The following NECTIN3 variants were observed in gnomAD, a reference collection of about 807,000 sequenced individuals.
The protein encoded by NECTIN3 is nectin cell adhesion molecule 3.
A neutral mutation model predicts 49.4 loss-of-function variants in NECTIN3; 8 were observed. The ratio of observed to expected loss-of-function variants is 0.16; its 90% CI spans 0.10 to 0.29. The LOEUF is 0.29. Ranked by LOEUF, NECTIN3 falls within the 10% of genes least tolerant of loss-of-function variation. The pLI, the probability that NECTIN3 is intolerant of heterozygous loss-of-function variation, is 1.00. For synonymous variants in NECTIN3, 277 were observed against 241.1 expected (o/e 1.15, Z -1.38); for missense variants, 581 against 654.6 (o/e 0.89, Z 1.23).
At chr3:111,107,702 G>A (rs1434089048) in intron 1 of NECTIN3, among the ~76,000 whole-genome samples, 1 of 152,166 alleles carries the variant, frequency 6.6e-6, no homozygotes, top group Non-Finnish European at 1.5e-5. Context: ...GTAGAGGGAG[G>A]AAGTAGTAGT....
At chr3:111,165,780 A>C (rs2035307579) in intron 7 of NECTIN3, among the ~76,000 whole-genome samples, 1 of 152,202 alleles carries the variant, frequency 6.6e-6, no homozygotes, top group Non-Finnish European at 1.5e-5. Context: ...TAGAATAATG[A>C]ATTAGTAATT....
intron 1 of NECTIN3, among the ~76,000 whole-genome samples, chr3:111,096,038 A>G (rs1308483435): frequency 6.6e-6 from 1 of 152,212 alleles, no homozygotes; most frequent in East Asian, 1.9e-4. Context: ...AACAGTTTGG[A>G]GGGCTCAGAA....
chr3:111,118,251 T>TATATATATATA (rs2033778993), intron 2 of NECTIN3, among the ~76,000 whole-genome samples: 1 of 97,954 alleles, frequency 1.0e-5, no homozygotes, highest in Non-Finnish European at 2.0e-5. Flanking sequence ...AATGAAGCTA[T>TATATATATATA]ATATATATAT....
chr3:111,146,722 T>G (rs2034884737), intron 6 of NECTIN3, among the ~76,000 whole-genome samples: 1 of 152,130 alleles, frequency 6.6e-6, no homozygotes, highest in Non-Finnish European at 1.5e-5. Context: ...ATGTTATCTG[T>G]GATCTTCAAA....
intron 7 of NECTIN3, among the ~76,000 whole-genome samples, chr3:111,167,071 C>G (rs574659681): frequency 1.3e-4 from 19 of 151,730 alleles, no homozygotes; most frequent in African/African-American, 4.4e-4. Context: ...AATTTTTGCA[C>G]ACGTAGGTGA....
intron 2 of NECTIN3, among the ~76,000 whole-genome samples, chr3:111,117,471 G>T: frequency 6.6e-6 from 1 of 152,102 alleles, no homozygotes; most frequent in Non-Finnish European, 1.5e-5. Flanking sequence ...GTGGTTATAT[G>T]GATGTTTGCT....
In NECTIN3 at chr3:111,101,168, A is replaced by T. The variant is rs1212752250; in HGVS notation, c.161-10862A>T. 3.3e-5 allele frequency among the ~76,000 whole-genome samples: 5 copies of T among 152,134 alleles called. No individual in the cohort carries two copies. The South Asian group carries it at 8.3e-4, about 25-fold the overall frequency. On this transcript the variant is annotated intron_variant, in intron 1 of 5. Transcript: ENST00000485303. ...AGTTTTGTGCTTCTCTTCTGAAAAT[A>T]TGAAGAAATTGTGCTTTCACCCACA...
intron 1 of NECTIN3, chr3:111,193,191 A>C: frequency 6.5e-7 from 1 of 1,533,786 alleles, no homozygotes. Context: ...GCAATGTTTG[A>C]ATTTTTAGAA....
intron 1 of NECTIN3, among the ~76,000 whole-genome samples, chr3:111,193,764 A>C (rs761981287): frequency 1.2e-4 from 18 of 152,196 alleles, no homozygotes; most frequent in Non-Finnish European, 2.1e-4. Flanking sequence ...TAGCCTGTTC[A>C]TCTGTAATTC....
intron 7 of NECTIN3, among the ~76,000 whole-genome samples, chr3:111,173,878 C>T (rs1314083228): frequency 6.6e-6 from 1 of 151,846 alleles, no homozygotes; most frequent in Non-Finnish European, 1.5e-5. Flanking sequence ...GGTTTTGTTT[C>T]CCCTTCTTCA....
intron 5 of NECTIN3, chr3:111,144,791 T>A: frequency 3.9e-6 from 5 of 1,280,838 alleles, no homozygotes; most frequent in Non-Finnish European, 5.2e-6. Context: ...AACCTGGCTC[T>A]TGGATAACAT....
chr3:111,179,689 T>TC (rs2035592519), intron 7 of NECTIN3, among the ~76,000 whole-genome samples: 1 of 152,034 alleles, frequency 6.6e-6, no homozygotes, highest in Non-Finnish European at 1.5e-5. Flanking sequence ...GGTCAGGAGA[T>TC]CGAGACCATC....
At chr3:111,189,944 G>A (rs1397662714), upstream of NECTIN3, among the ~76,000 whole-genome samples, 1 of 152,216 alleles carries the variant, frequency 6.6e-6, no homozygotes, top group Non-Finnish European at 1.5e-5. Context: ...AGGGGACAGG[G>A]AGGGGGAGGC....
chr3:111,130,041 C>T (rs899972102), intron 5 of NECTIN3, among the ~76,000 whole-genome samples: 47 of 151,060 alleles, frequency 3.1e-4, no homozygotes, highest in African/African-American at 1.0e-3. Flanking sequence ...CTGCAGGCTC[C>T]GCCTCCCGGG....
At chr3:111,080,678 C>CAAAAAAAAA in intron 1 of NECTIN3, among the ~76,000 whole-genome samples, 1 of 129,138 alleles carries the variant, frequency 7.7e-6, no homozygotes, top group Non-Finnish European at 1.7e-5. Flanking sequence ...ATATGTCATG[C>CAAAAAAAAA]AAAAAAAAAA....
chr3:111,136,772 G>A lies in NECTIN3; in HGVS notation c.*2557G>A. On this transcript the variant is annotated 3_prime_UTR_variant, in exon 6 of 6. Transcript: ENST00000485303. The stretch of plus-strand genomic sequence containing the variant: ...TAGCATTTTGTAAATTCACTTGAGA[G>A]TTTTCTTTCATACTGGTTAAAATAT... The A allele has an allele frequency of 1.1e-6, 1 of 931,262 alleles. No individual in the cohort carries two copies. Among genetic ancestry groups the A allele is most frequent in the Non-Finnish European group, 1.3e-6 (1 of 781,092 alleles). 57.7% of individuals were successfully genotyped at this position (931,262 alleles called of 1,614,324 possible).
intron 3 of NECTIN3, among the ~76,000 whole-genome samples, chr3:111,119,663 T>C (rs962513219): frequency 6.6e-6 from 1 of 152,198 alleles, no homozygotes; most frequent in Non-Finnish European, 1.5e-5. Context: ...TGCATATTAA[T>C]TAGTTTGAAA....
intron 1 of NECTIN3, among the ~76,000 whole-genome samples, chr3:111,092,211 T>C (rs2032311302): frequency 6.6e-6 from 1 of 152,196 alleles, no homozygotes; most frequent in South Asian, 2.1e-4. Flanking sequence ...GTATTTTAGG[T>C]ATGTGTTCTG....
chr3:111,167,900 G>A (rs1049488455), intron 7 of NECTIN3, among the ~76,000 whole-genome samples: 2 of 151,954 alleles, frequency 1.3e-5, no homozygotes, highest in Non-Finnish European at 2.9e-5. Context: ...TGGACATTAT[G>A]TACCAGCTTC....
Sources: allele counts gnomAD v4.1 joint callset (sites outside exome capture counted in the v4.1 genomes callset), GRCh38; gene constraint gnomAD v4.1.1; transcripts MANE v1.5; gene names NCBI Gene and HGNC (gene_info 2026-07-23, HGNC 2026-07-21).